RTN3: variants seen among roughly 807,000 people sequenced by gnomAD.
RTN3 encodes the protein reticulon 3, also known as reticulon-3.
RTN3 carries 49 observed loss-of-function variants against 77.8 expected under a neutral mutation model. The observed-to-expected ratio is 0.63, with a 90% confidence interval of 0.50 to 0.80. The LOEUF (loss-of-function observed/expected upper bound fraction) is 0.80, where lower values mean the gene tolerates loss of function less well. RTN3 is among the 30% of genes least tolerant of loss of function. RTN3 has a pLI of 0.00. For missense variants in RTN3, 1,236 were observed against 1,211.9 expected (o/e 1.02, Z -0.29); for synonymous variants, 464 against 446.9 (o/e 1.04, Z -0.48).
At position 63,720,059 on chromosome 11, in the gene RTN3, T is replaced by A; in HGVS notation, c.1557T>A (p.Ile519=). ...TADTSFENNK[I]QAEKPVSIPS... ...ATACATCATTTGAAAATAACAAAAT[T>A]CAGGCTGAAAAACCTGTTTCCATTC... The change falls in exon 3 of 9, where the codon ATT becomes ATA. Residue 519 remains isoleucine, a synonymous_variant. Transcript: ENST00000377819. The A allele has an allele frequency of 6.2e-7, 1 of 1,613,958 alleles. No individual in the cohort carries two copies. The highest frequency in any genetic ancestry group is 8.5e-7 in the Non-Finnish European group (1 of 1,180,004).
chr11:63,754,505 C>A (rs573934673), intron 7 of RTN3, among the ~76,000 whole-genome samples: 1 of 152,250 alleles, frequency 6.6e-6, no homozygotes, highest in Admixed American at 6.5e-5. Context: ...TCGAGACCAT[C>A]CTGGCTAACA....
chr11:63,743,530 G>A (rs972783227), intron 3 of RTN3, among the ~76,000 whole-genome samples: 13 of 152,106 alleles, frequency 8.5e-5, no homozygotes, highest in African/African-American at 3.1e-4. Flanking sequence ...AGCCAATCCT[G>A]TATTTTTTCA....
intron 3 of RTN3, among the ~76,000 whole-genome samples, chr11:63,737,438 C>T (rs1243502669): frequency 6.6e-6 from 1 of 152,054 alleles, no homozygotes; most frequent in Non-Finnish European, 1.5e-5. Flanking sequence ...GGTGAAACCC[C>T]ATCTCTACTA....
chr11:63,736,888 T>C (rs781690929), intron 3 of RTN3, among the ~76,000 whole-genome samples: 9 of 152,000 alleles, frequency 5.9e-5, no homozygotes, highest in Non-Finnish European at 1.2e-4. Flanking sequence ...TATTCACAGG[T>C]TCTGTCCACA....
At chr11:63,757,423 G>A (rs1485853447) in intron 8 of RTN3, among the ~76,000 whole-genome samples, 1 of 151,814 alleles carries the variant, frequency 6.6e-6, no homozygotes, top group Non-Finnish European at 1.5e-5. Context: ...CAAGCTGAAA[G>A]CTCACTGCAG....
intron 1 of RTN3, among the ~76,000 whole-genome samples, chr11:63,689,815 T>G (rs1008829540): frequency 6.6e-6 from 1 of 151,994 alleles, no homozygotes; most frequent in Non-Finnish European, 1.5e-5. Flanking sequence ...TGGAGTGCAG[T>G]GGTGGGATCT....
intron 8 of RTN3, among the ~76,000 whole-genome samples, chr11:63,757,722 CTTTT>C (rs71039672): frequency 8.5e-5 from 9 of 106,326 alleles, no homozygotes; most frequent in Admixed American, 2.2e-4. Flanking sequence ...TTCTTTTTTT[CTTTT>C]TTTTTTTTTT....
chr11:63,684,863 C>G (rs1941282293), intron 1 of RTN3, among the ~76,000 whole-genome samples: 2 of 152,048 alleles, frequency 1.3e-5, no homozygotes, highest in African/African-American at 2.4e-5. Context: ...GGGCTCAAAC[C>G]ATTCTCCCAC....
chr11:63,704,358 GATTA>G (rs746727691), intron 1 of RTN3, among the ~76,000 whole-genome samples: 4 of 152,000 alleles, frequency 2.6e-5, no homozygotes, highest in African/African-American at 7.2e-5. Context: ...CTTCCCCATG[GATTA>G]ATTGTGATTT....
chr11:63,758,088 A>T, intron 8 of RTN3, 68 bp from the exon 9 acceptor site: 1 of 1,149,304 alleles, frequency 8.7e-7, no homozygotes, highest in Non-Finnish European at 1.3e-6. Flanking sequence ...CATCACAGTT[A>T]AAATAAAAAC....
At position 63,726,798 on chromosome 11, in the gene RTN3, G is replaced by T. The variant is rs530286104; in HGVS notation, c.2530+5766G>T. On this transcript the variant is annotated intron_variant, in intron 3 of 8. Transcript: ENST00000377819. ...ATCGCTTGAACCCCTGGGGGTGGAG[G>T]TTGCAGTGAGCCAAGATCATGCCAT... 6.5e-3 allele frequency among the ~76,000 whole-genome samples: 989 copies of T among 151,616 alleles called. 10 individuals carry two copies. Among genetic ancestry groups the T allele is most frequent in the African/African-American group, 0.023 (935 of 41,248 alleles).
intron 3 of RTN3, 87 bp downstream of exon 3, chr11:63,721,119 C>T: frequency 2.5e-6 from 3 of 1,186,748 alleles, no homozygotes; most frequent in Non-Finnish European, 3.5e-6. Context: ...CTGATTTATA[C>T]CTACAAAATT....
Position 63,720,361 on chromosome 11 carries a change from TTAA to T in RTN3, c.1861_1863del (p.Asn621del). 1 of 1,614,112 alleles carries T rather than the reference TTAA, an allele frequency of 6.2e-7. No homozygotes were observed. ...CCTTCAACAGTGTCTCCAAATGTTT[TTAA>T]TGAGACAGAATTCTCATTAAATGTG... On this transcript the variant is annotated inframe_deletion, in exon 3 of 9. Coordinates refer to ENST00000377819, the MANE Select transcript of RTN3 (RefSeq NM_001265589.2).
In RTN3 at chr11:63,735,795, G is replaced by T. The variant is rs137908953; in HGVS notation, c.2531-14196G>T. On this transcript the variant is annotated intron_variant, in intron 3 of 8. Transcript: ENST00000377819. Reference sequence around the variant, plus strand: ...TCTGCCCAATTTGGCTTCCCAAAGTGTTGGGATTACCAGTGTGAGCTAAAG... The same window carrying T: ...TCTGCCCAATTTGGCTTCCCAAAGTTTTGGGATTACCAGTGTGAGCTAAAG... Among the ~76,000 whole-genome samples, 366 of 152,220 alleles carry T rather than the reference G, an allele frequency of 2.4e-3. 4 individuals carry two copies. The highest frequency in any genetic ancestry group is 7.6e-3 in the African/African-American group (316 of 41,528).
chr11:63,702,940 C>T (rs1043764065), intron 1 of RTN3, among the ~76,000 whole-genome samples: 1 of 151,898 alleles, frequency 6.6e-6, no homozygotes, highest in Non-Finnish European at 1.5e-5. Context: ...CTGCCTCGGC[C>T]TCCCAAAGTG....
chr11:63,690,607 C>T (rs1044219871), intron 1 of RTN3, among the ~76,000 whole-genome samples: 1 of 152,160 alleles, frequency 6.6e-6, no homozygotes, highest in African/African-American at 2.4e-5. Flanking sequence ...AAAAGTGGCT[C>T]AGTTACCCTT....
chr11:63,724,484 CTTTTTTT>C (rs34237318), intron 3 of RTN3, among the ~76,000 whole-genome samples: 1 of 81,758 alleles, frequency 1.2e-5, no homozygotes, highest in Non-Finnish European at 2.4e-5. Context: ...GTGCCCGGCC[CTTTTTTT>C]TTTTTTTTTT....
chr11:63,756,036 G>A (rs1462158568), intron 7 of RTN3, 76 bp from the exon 8 acceptor site: 3 of 998,752 alleles, frequency 3.0e-6, no homozygotes, highest in Non-Finnish European at 3.2e-6. Flanking sequence ...GGTTAAACTA[G>A]ACAAAAGAGC....
At chr11:63,711,011 G>A (rs1210788074) in intron 2 of RTN3, among the ~76,000 whole-genome samples, 1 of 152,136 alleles carries the variant, frequency 6.6e-6, no homozygotes, top group African/African-American at 2.4e-5. Flanking sequence ...GGGTGTGGTG[G>A]CTCACATCTG....
Sources: gnomAD v4.1 joint callset for allele counts (sites outside exome capture counted in the v4.1 genomes callset) on GRCh38, gnomAD v4.1.1 for gene constraint, MANE v1.5 for transcripts, NCBI Gene and HGNC (gene_info 2026-07-23, HGNC 2026-07-21) for gene names.